Variants in IQSEC1 observed in about 807,000 individuals in gnomAD.
IQSEC1 encodes IQ motif and Sec7 domain ArfGEF 1, also known as IQ motif and SEC7 domain-containing protein 1.
In IQSEC1, 31 loss-of-function variants were observed where a neutral mutation model predicts 91.0. The observed-to-expected ratio is 0.34, with a 90% CI of 0.26 to 0.46. The LOEUF is 0.46. IQSEC1 is among the 20% of genes least tolerant of loss of function. The pLI is 1.00. For missense variants in IQSEC1, 1,388 were observed against 1,575.6 expected, an observed-to-expected ratio of 0.88 and a Z score of 2.02; for synonymous variants, 699 against 662.6, an observed-to-expected ratio of 1.05 and a Z score of -0.84.
intron 1 of IQSEC1, among the ~76,000 whole-genome samples, chr3:13,055,689 C>T (rs894074435): frequency 2.6e-5 from 4 of 152,180 alleles, no homozygotes; most frequent in Admixed American, 6.5e-5. Flanking sequence ...GGTAGAGTGG[C>T]GAAGCAGGGG....
chr3:13,086,300 G>T (rs557246714), intron 2 of IQSEC1, among the ~76,000 whole-genome samples: 18 of 150,592 alleles, frequency 1.2e-4, no homozygotes, highest in Non-Finnish European at 2.2e-4. Context: ...TGTGCCCACC[G>T]TGGCGGGGAT....
At chr3:13,235,628 G>A (rs1425335658) in intron 1 of IQSEC1, among the ~76,000 whole-genome samples, 1 of 152,218 alleles carries the variant, frequency 6.6e-6, no homozygotes, top group Non-Finnish European at 1.5e-5. Flanking sequence ...CACTCCCGCT[G>A]CCTGTGGACA....
At chr3:13,277,137 A>C (rs34236965) in intron 1 of IQSEC1, among the ~76,000 whole-genome samples, 16,219 of 118,232 alleles carry the variant, frequency 0.14, 1,309 homozygotes, top group South Asian at 0.17. Flanking sequence ...AAAAAAAAAA[A>C]CAGAAAACAA....
At chr3:13,109,479 T>C (rs959083658) in intron 2 of IQSEC1, among the ~76,000 whole-genome samples, 3 of 152,116 alleles carry the variant, frequency 2.0e-5, no homozygotes, top group Non-Finnish European at 4.4e-5. Flanking sequence ...GAGGCTGTGA[T>C]ATTTGTCCCC....
intron 1 of IQSEC1, among the ~76,000 whole-genome samples, chr3:12,957,824 T>G (rs1700008981): frequency 6.6e-6 from 1 of 152,180 alleles, no homozygotes; most frequent in Non-Finnish European, 1.5e-5. Flanking sequence ...ACTATCAACA[T>G]CCACACTAGA....
At chr3:13,153,882 G>A (rs991773280) in intron 2 of IQSEC1, among the ~76,000 whole-genome samples, 8 of 152,158 alleles carry the variant, frequency 5.3e-5, no homozygotes, top group African/African-American at 1.9e-4. Context: ...CCCCAGAGAG[G>A]AAACCACACG....
Position 13,186,095 on chromosome 3 carries a change from C to T in IQSEC1, c.273-21962G>A, listed in dbSNP as rs1693926082. Among the ~76,000 whole-genome samples, 8 of 152,222 alleles carry T rather than the reference C, an allele frequency of 5.3e-5. No homozygotes were observed. The South Asian group carries it at 1.4e-3, about 28-fold the overall frequency. On this transcript the variant is annotated intron_variant, in intron 1 of 15. Coordinates refer to the IQSEC1 transcript ENST00000648114. Reference sequence around the variant, plus strand: ...TGCTTAGCACCAGTGGGAGTGAGTTCACTGCTGTTCTCGTCCCACATGGAG... The same window carrying T: ...TGCTTAGCACCAGTGGGAGTGAGTTTACTGCTGTTCTCGTCCCACATGGAG...
intron 1 of IQSEC1, among the ~76,000 whole-genome samples, chr3:12,946,484 T>C (rs905623235): frequency 4.6e-5 from 7 of 152,186 alleles, no homozygotes; most frequent in South Asian, 2.1e-4. Flanking sequence ...TTCCATAGAT[T>C]TGTGCAAAGG....
intron 2 of IQSEC1, among the ~76,000 whole-genome samples, chr3:13,113,423 G>C (rs1706283302): frequency 6.6e-6 from 1 of 152,198 alleles, no homozygotes; most frequent in Non-Finnish European, 1.5e-5. Context: ...TGTGAAGTGG[G>C]GATGACGCTT....
chr3:13,132,537 G>C (rs1706638047), intron 2 of IQSEC1, among the ~76,000 whole-genome samples: 1 of 152,210 alleles, frequency 6.6e-6, no homozygotes, highest in Admixed American at 6.5e-5. Flanking sequence ...AGCTGCCTTA[G>C]TGTTCCCAGA....
intron 1 of IQSEC1, among the ~76,000 whole-genome samples, chr3:12,942,306 T>G (rs1698824267): frequency 6.6e-6 from 1 of 151,980 alleles, no homozygotes; most frequent in Non-Finnish European, 1.5e-5. Context: ...CCACTGATTT[T>G]AAACTTAAAA....
chr3:13,264,577 A>C (rs1695451081), intron 1 of IQSEC1, among the ~76,000 whole-genome samples: 1 of 150,064 alleles, frequency 6.7e-6, no homozygotes, highest in Non-Finnish European at 1.5e-5. Flanking sequence ...ACCACATGGC[A>C]CCCCTGGGGG....
intron 1 of IQSEC1, among the ~76,000 whole-genome samples, chr3:13,190,489 A>C (rs1021722213): frequency 6.6e-6 from 1 of 151,700 alleles, no homozygotes; most frequent in East Asian, 1.9e-4. Flanking sequence ...CCAGGAGGTC[A>C]AGGCTGCAGT....
In IQSEC1 at chr3:13,200,285, T is replaced by TC. The variant is rs57233573; in HGVS notation, c.273-36153dup. On this transcript the variant is annotated intron_variant, in intron 1 of 15. Transcript: ENST00000648114. ...ACACACACACACCACACACACATACTCCCCCCCCTTATCATTTATAAGCAG... is the reference window on the plus strand; with the variant it reads ...ACACACACACACCACACACACATACTCCCCCCCCCTTATCATTTATAAGCAG... Among the ~76,000 whole-genome samples, 23 of 148,778 alleles carry TC rather than the reference T, an allele frequency of 1.5e-4. No homozygotes were observed. The East Asian group carries it at 1.6e-3, about 10-fold the overall frequency.
intron 2 of IQSEC1, among the ~76,000 whole-genome samples, chr3:13,155,161 A>C (rs1198732026): frequency 6.6e-6 from 1 of 152,238 alleles, no homozygotes; most frequent in Non-Finnish European, 1.5e-5. Flanking sequence ...AATATCAATA[A>C]ATAATAACAG....
chr3:13,024,206 T>C (rs1442710307), intron 1 of IQSEC1, among the ~76,000 whole-genome samples: 1 of 152,220 alleles, frequency 6.6e-6, no homozygotes, highest in African/African-American at 2.4e-5. Flanking sequence ...CACTGATTCA[T>C]ATATTCACAC....
At position 13,008,020 on chromosome 3, in the gene IQSEC1, G is replaced by C. The variant is rs1043845525; in HGVS notation, c.23+64972C>G. Among the ~76,000 whole-genome samples the C allele has an allele frequency of 6.6e-6, 1 of 152,234 alleles. No homozygotes were observed. Among genetic ancestry groups the C allele is most frequent in the Non-Finnish European group, 1.5e-5 (1 of 68,044 alleles). The stretch of plus-strand genomic sequence containing the variant: ...AAGCCTGCACTCCTCTAGGAAGCCA[G>C]GTGAGAGAGCAGAGGAACTACCCTT... On this transcript the variant is annotated intron_variant, in intron 1 of 13. Coordinates refer to ENST00000613206, the MANE Select transcript of IQSEC1 (RefSeq NM_001134382.3). The surrounding 1 kb of genome is among the most constrained non-coding windows in gnomAD (Gnocchi z 4.1).
intron 2 of IQSEC1, among the ~76,000 whole-genome samples, chr3:13,117,547 G>GT (rs1374401386): frequency 1.1e-4 from 13 of 115,904 alleles, no homozygotes; most frequent in African/African-American, 4.6e-4. Flanking sequence ...CTCCAGCCTG[G>GT]TGACAGAGCA....
At chr3:13,136,779 A>C (rs1026292533) in intron 2 of IQSEC1, among the ~76,000 whole-genome samples, 1 of 152,152 alleles carries the variant, frequency 6.6e-6, no homozygotes, top group Non-Finnish European at 1.5e-5. Flanking sequence ...GTTTGACTGC[A>C]TGTAGATCGG....
Sources: allele counts gnomAD v4.1 joint callset (sites outside exome capture counted in the v4.1 genomes callset), GRCh38; gene constraint gnomAD v4.1.1; non-coding constraint Gnocchi (gnomAD v3.1); transcripts MANE v1.5; gene names NCBI Gene and HGNC (gene_info 2026-07-23, HGNC 2026-07-21).